The following SV2B variants were observed in gnomAD, a reference collection of about 807,000 sequenced individuals.
SV2B encodes synaptic vesicle glycoprotein 2B.
Under a neutral mutation model 73.9 loss-of-function variants are expected in SV2B, and 41 were observed. The ratio of observed to expected loss-of-function variants is 0.56; its 90% CI spans 0.43 to 0.72. The LOEUF (loss-of-function observed/expected upper bound fraction) is 0.72, where lower values mean the gene tolerates loss of function less well. SV2B is among the 30% of genes least tolerant of loss of function. The pLI, the probability that SV2B is intolerant of heterozygous loss-of-function variation, is 0.00. For synonymous variants in SV2B, 314 were observed against 314.2 expected (o/e 1.00, Z 0.01); for missense variants, 764 against 857.8 (o/e 0.89, Z 1.37).
At chr15:91,266,808 A>G (rs1234762360) in intron 7 of SV2B, 116 bp downstream of exon 7, 1 of 798,902 alleles carries the variant, frequency 1.3e-6, no homozygotes, top group East Asian at 2.9e-5. Flanking sequence ...CGTGATGGAG[A>G]GGAAGCAACC....
chr15:91,287,840 G>A (rs2048912493), intron 11 of SV2B, among the ~76,000 whole-genome samples: 1 of 152,222 alleles, frequency 6.6e-6, no homozygotes, highest in South Asian at 2.1e-4. Flanking sequence ...TAGCAAAAGT[G>A]AGAAGCAGTC....
At chr15:91,153,948 C>T (rs1023718932) in intron 1 of SV2B, among the ~76,000 whole-genome samples, 1 of 151,978 alleles carries the variant, frequency 6.6e-6, no homozygotes, top group Admixed American at 6.5e-5. Flanking sequence ...GGGGACATCC[C>T]AACTAAGGGA....
At chr15:91,181,482 G>C (rs186333153) in intron 1 of SV2B, among the ~76,000 whole-genome samples, 2 of 151,792 alleles carry the variant, frequency 1.3e-5, no homozygotes, top group Admixed American at 1.3e-4. Flanking sequence ...TTGTTTCGCC[G>C]TGAATTTTCT....
rs149132844 is a variant in SV2B at position 91,127,417 on chromosome 15, T to C, written c.-392+27054T>C. On this transcript the variant is annotated intron_variant, in intron 1 of 12. Coordinates refer to ENST00000394232, the MANE Select transcript of SV2B (RefSeq NM_001323032.3). ...AGAACAAGCTCATTTTTGCCATGCC[T>C]TCTGCTTGGGACTGCCGGGAAGGCA... 2.9e-3 allele frequency among the ~76,000 whole-genome samples: 435 copies of C among 151,996 alleles called. 4 individuals are homozygous for C. Among genetic ancestry groups the C allele is most frequent in the African/African-American group, 0.01 (426 of 41,446 alleles).
intron 4 of SV2B, among the ~76,000 whole-genome samples, chr15:91,254,470 C>T (rs955074071): frequency 3.3e-5 from 5 of 152,108 alleles, no homozygotes; most frequent in African/African-American, 1.2e-4. Context: ...CGCCTGACTT[C>T]AAGTGATCCA....
chr15:91,190,334 C>CT (rs112187512), intron 1 of SV2B, among the ~76,000 whole-genome samples: 13,721 of 150,172 alleles, frequency 0.091, 1,017 homozygotes, highest in African/African-American at 0.2. Context: ...TCAGTGTTTT[C>CT]TTTTTTTTTC....
At chr15:91,187,892 G>A (rs1271947515) in intron 1 of SV2B, among the ~76,000 whole-genome samples, 1 of 151,976 alleles carries the variant, frequency 6.6e-6, no homozygotes, top group East Asian at 1.9e-4. Context: ...AATTGAAATA[G>A]GCTAGCTTTG....
At chr15:91,111,594 G>C (rs1030568604) in intron 1 of SV2B, among the ~76,000 whole-genome samples, 1 of 152,192 alleles carries the variant, frequency 6.6e-6, no homozygotes, top group African/African-American at 2.4e-5. Flanking sequence ...TTGTGGGGAG[G>C]ATAGGGAATG....
At position 91,242,303 on chromosome 15, in the gene SV2B, T is replaced by C. The variant is rs919293785; in HGVS notation, c.452-9516T>C. Among the ~76,000 whole-genome samples the C allele has an allele frequency of 1.3e-5, 2 of 152,182 alleles. No individual in the cohort carries two copies. The highest frequency in any genetic ancestry group is 2.9e-5 in the Non-Finnish European group (2 of 68,034). On this transcript the variant is annotated intron_variant, in intron 2 of 12. Coordinates refer to ENST00000394232, the MANE Select transcript of SV2B (RefSeq NM_001323032.3). The surrounding 1 kb of genome is among the most constrained non-coding windows in gnomAD (Gnocchi z 4.9). ...CTCTTGTGTATTGCCAGTCACTTCT[T>C]TGGGGATCGTGTTTGTTGTCTGCTT...
intron 1 of SV2B, among the ~76,000 whole-genome samples, chr15:91,221,758 T>G (rs17594929): frequency 6.6e-6 from 1 of 151,510 alleles, no homozygotes; most frequent in Admixed American, 6.6e-5. Flanking sequence ...CCTGGTTTCA[T>G]TGCCGTTAGA....
intron 4 of SV2B, among the ~76,000 whole-genome samples, chr15:91,256,882 A>T (rs1242297032): frequency 6.6e-6 from 1 of 152,214 alleles, no homozygotes; most frequent in Non-Finnish European, 1.5e-5. Context: ...AACAAGTTGA[A>T]CCACAACGGG....
At chr15:91,189,847 G>A (rs1383206888) in intron 1 of SV2B, among the ~76,000 whole-genome samples, 1 of 152,176 alleles carries the variant, frequency 6.6e-6, no homozygotes, top group Non-Finnish European at 1.5e-5. Flanking sequence ...AATTAGTTGG[G>A]TGTAATGGCG....
In SV2B at chr15:91,110,317, C is replaced by T. The variant is rs1478700833; in HGVS notation, c.-392+9954C>T. On this transcript the variant is annotated intron_variant, in intron 1 of 12. Coordinates refer to ENST00000394232, the MANE Select transcript of SV2B (RefSeq NM_001323032.3). The surrounding 1 kb of genome is among the most constrained non-coding windows in gnomAD (Gnocchi z 5.4). ...GCAATGTTAAGTTTGTATGAGAGGC[C>T]AAGAGAGAACAGGAAAACGGGGTGT... is the stretch of plus-strand genomic sequence containing the variant. Among the ~76,000 whole-genome samples, 6 of 152,178 alleles carry T rather than the reference C, an allele frequency of 3.9e-5. No homozygotes were observed. Among genetic ancestry groups the T allele is most frequent in the Middle Eastern group, 6.8e-3 (2 of 294 alleles).
rs2041914596 is a variant in SV2B, at chr15:91,107,387, A to G, written c.-392+7024A>G. Among the ~76,000 whole-genome samples the G allele has an allele frequency of 2.0e-5, 3 of 151,952 alleles. No individual in the cohort carries two copies. In the South Asian group the frequency reaches 6.2e-4, roughly 31 times the overall value. On this transcript the variant is annotated intron_variant, in intron 1 of 12. Coordinates refer to ENST00000394232, the MANE Select transcript of SV2B (RefSeq NM_001323032.3). ...GAGTGTAGTGGCACAATCTTAGCTC[A>G]CTGCAACCTCTGCCTCCCGGGTTCA...
Position 91,133,835 on chromosome 15 carries a change from G to A in SV2B, c.-392+33472G>A, listed in dbSNP as rs760102554. ...CAGGTATGCGATCCATGAGAAGCTG[G>A]AACTTCTGCAGTGCACTTATGGTGA... On this transcript the variant is annotated intron_variant, in intron 1 of 12. Coordinates refer to ENST00000394232, the MANE Select transcript of SV2B (RefSeq NM_001323032.3). 1.2e-3 allele frequency among the ~76,000 whole-genome samples: 176 copies of A among 152,102 alleles called. 1 individual carries two copies. Among genetic ancestry groups the A allele is most frequent in the Middle Eastern group, 3.2e-3 (1 of 316 alleles).
At position 91,281,101 on chromosome 15, in the gene SV2B, C is replaced by A. The variant is rs1342683510; in HGVS notation, c.1374-627C>A. Among the ~76,000 whole-genome samples, 1 of 152,164 alleles carries A rather than the reference C, an allele frequency of 6.6e-6. No homozygotes were observed. Among genetic ancestry groups the A allele is most frequent in the Non-Finnish European group, 1.5e-5 (1 of 68,038 alleles). The stretch of plus-strand genomic sequence containing the variant: ...TCCATTGTTGTTACAAGCAGTGTTA[C>A]AATGAAGATCAGTGAATGTATCTCT... On this transcript the variant is annotated intron_variant, in intron 9 of 12. Transcript: ENST00000394232. The surrounding 1 kb of genome is among the most constrained non-coding windows in gnomAD (Gnocchi z 4.7).
At chr15:91,291,240 C>G (rs1382694133) in intron 12 of SV2B, among the ~76,000 whole-genome samples, 2 of 149,754 alleles carry the variant, frequency 1.3e-5, no homozygotes, top group Non-Finnish European at 3.0e-5. Context: ...GTTTTTTTTC[C>G]CCTCTGGGAA....
At chr15:91,243,275 G>A (rs2047093576) in intron 2 of SV2B, among the ~76,000 whole-genome samples, 2 of 152,274 alleles carry the variant, frequency 1.3e-5, no homozygotes, top group South Asian at 4.1e-4. Context: ...ACTGGCCCAG[G>A]TGACACCTCC....
At chr15:91,204,677 C>A (rs2045574521) in intron 1 of SV2B, among the ~76,000 whole-genome samples, 1 of 151,784 alleles carries the variant, frequency 6.6e-6, no homozygotes, top group African/African-American at 2.4e-5. Flanking sequence ...CCCACCTCAG[C>A]CTCCTGAGTA....
Sources: allele counts gnomAD v4.1 joint callset (sites outside exome capture counted in the v4.1 genomes callset), GRCh38; gene constraint gnomAD v4.1.1; non-coding constraint Gnocchi (gnomAD v3.1); transcripts MANE v1.5; gene names NCBI Gene and HGNC (gene_info 2026-07-23, HGNC 2026-07-21).